The following CASP6 variants were observed in gnomAD, a reference collection of about 807,000 sequenced individuals.
CASP6 encodes the protein caspase 6.
A neutral mutation model predicts 31.8 loss-of-function variants in CASP6; 20 were observed. The observed-to-expected ratio is 0.63, with a 90% CI of 0.44 to 0.91. The LOEUF (loss-of-function observed/expected upper bound fraction) is 0.91, where lower values mean the gene tolerates loss of function less well. Ranked by LOEUF, CASP6 falls within the 40% of genes least tolerant of loss-of-function variation. CASP6 has a pLI of 0.00. For missense variants in CASP6, 328 were observed against 361.1 expected (o/e 0.91, Z 0.74); for synonymous variants, 130 against 127.8 (o/e 1.02, Z -0.12).
downstream of CASP6, chr4:109,688,354 G>A (rs987930172): frequency 1.6e-4 from 25 of 152,222 alleles, no homozygotes; most frequent in African/African-American, 6.0e-4. Flanking sequence ...CTGTTGGACT[G>A]TTTGTAGGAA....
chr4:109,707,146 T>G (rs1251747466), upstream of CASP6, among the ~76,000 whole-genome samples: 3 of 152,192 alleles, frequency 2.0e-5, no homozygotes, highest in Admixed American at 2.0e-4. Context: ...AGACTACACT[T>G]TAGTATGAAA....
upstream of CASP6, among the ~76,000 whole-genome samples, chr4:109,708,406 G>C (rs1730661833): frequency 6.6e-6 from 1 of 152,192 alleles, no homozygotes; most frequent in Non-Finnish European, 1.5e-5. Context: ...CCATCTTGTT[G>C]TACTCGTTGG....
downstream of CASP6, chr4:109,685,428 A>G (rs1217729180): frequency 4.2e-6 from 3 of 712,806 alleles, no homozygotes; most frequent in African/African-American, 3.5e-5. Flanking sequence ...GTATCAGGGA[A>G]GTATAACTGG....
the CASP6 span, chr4:109,682,439 C>T: frequency 3.1e-6 from 2 of 640,348 alleles, no homozygotes; most frequent in Non-Finnish European, 5.4e-6. Context: ...TATATTACAC[C>T]TTTGTTTACA....
At chr4:109,690,728 T>G in intron 6 of CASP6, 122 bp downstream of exon 6, 30 of 969,506 alleles carry the variant, frequency 3.1e-5, no homozygotes, top group Non-Finnish European at 4.2e-5. Flanking sequence ...TCTAAGTCTG[T>G]GAGCTTCAGG....
At chr4:109,684,259 T>A (rs987939436), downstream of CASP6, among the ~76,000 whole-genome samples, 1 of 152,110 alleles carries the variant, frequency 6.6e-6, no homozygotes, top group South Asian at 2.1e-4. Flanking sequence ...AGACGGGGTT[T>A]CACCATGTTA....
intron 5 of CASP6, among the ~76,000 whole-genome samples, chr4:109,694,158 T>TAAAA (rs1730165319): frequency 6.6e-6 from 1 of 152,202 alleles, no homozygotes; most frequent in Non-Finnish European, 1.5e-5. Flanking sequence ...TCCACTGGTT[T>TAAAA]ATATGCTCTC....
At chr4:109,706,032 A>ATAAT (rs1419095475), upstream of CASP6, among the ~76,000 whole-genome samples, 1 of 93,830 alleles carries the variant, frequency 1.1e-5, no homozygotes, top group Non-Finnish European at 2.1e-5. Context: ...ATATATATAT[A>ATAAT]ATATATATAA....
At position 109,694,415 on chromosome 4, in the gene CASP6, G is replaced by A. The variant is rs572392846; in HGVS notation, c.483+110C>T. 235 of 944,378 alleles carry A rather than the reference G, an allele frequency of 2.5e-4. 1 individual carries two copies. Among genetic ancestry groups the A allele is most frequent in the Non-Finnish European group, 3.3e-4 (217 of 650,220 alleles). The allele number at this position is 944,378 out of a possible 1,614,324, so 58.5% of individuals were successfully genotyped here. A position where few individuals can be genotyped will look rare whatever the true frequency, so the allele number is the denominator to read the frequency against. On this transcript the variant is annotated intron_variant, in intron 5 of 6. Coordinates refer to ENST00000265164, the MANE Select transcript of CASP6 (RefSeq NM_001226.4). The stretch of plus-strand genomic sequence containing the variant: ...CTATGATTGGCCAGAATTCAAAAAC[G>A]GCCTGTCCAATTACTGGAGAAAGTT...
At chr4:109,693,617 G>A (rs1730143219) in intron 5 of CASP6, among the ~76,000 whole-genome samples, 2 of 151,240 alleles carry the variant, frequency 1.3e-5, no homozygotes, top group South Asian at 4.2e-4. Flanking sequence ...ACCTGGGGGC[G>A]GAGGTTGCAG....
At chr4:109,691,319 C>T (rs915501933) in intron 5 of CASP6, among the ~76,000 whole-genome samples, 4 of 152,190 alleles carry the variant, frequency 2.6e-5, no homozygotes, top group Non-Finnish European at 5.9e-5. Flanking sequence ...AGATTAACCA[C>T]ACCCAGGGCA....
chr4:109,675,055 G>A, the CASP6 span, among the ~76,000 whole-genome samples: 13 of 152,136 alleles, frequency 8.5e-5, no homozygotes, highest in Non-Finnish European at 1.3e-4. Flanking sequence ...TGATAACATG[G>A]TATATGTATT....
downstream of CASP6, chr4:109,687,612 G>C (rs761571574): frequency 6.5e-7 from 1 of 1,531,594 alleles, no homozygotes; most frequent in Admixed American, 1.7e-5. Context: ...TTTAAATGTC[G>C]TCAGATTTTC....
In CASP6 at chr4:109,695,053, C is replaced by A. The variant is rs139794521; in HGVS notation, c.308-353G>T. Among the ~76,000 whole-genome samples the A allele has an allele frequency of 9.9e-4, 150 of 152,260 alleles. 4 individuals carry two copies. The East Asian group carries it at 0.025, about 25-fold the overall frequency. ...GCCATGTAGCCAGGCTAGTCTCGAA[C>A]TCCTGACCTCAGGTGATCCACCTCG... On this transcript the variant is annotated intron_variant, in intron 4 of 6. Coordinates refer to ENST00000265164, the MANE Select transcript of CASP6 (RefSeq NM_001226.4).
At chr4:109,676,857 G>A in the CASP6 span, among the ~76,000 whole-genome samples, 1 of 152,206 alleles carries the variant, frequency 6.6e-6, no homozygotes, top group African/African-American at 2.4e-5. Context: ...TAAAATGAGA[G>A]GAGAATAGAT....
At chr4:109,698,239 C>G in intron 2 of CASP6, 61 bp downstream of exon 2, 1 of 1,541,378 alleles carries the variant, frequency 6.5e-7, no homozygotes, top group Non-Finnish European at 8.8e-7. Flanking sequence ...GCTTTGATTT[C>G]TGTAGGCTGA....
At chr4:109,676,908 A>G in the CASP6 span, among the ~76,000 whole-genome samples, 1 of 152,232 alleles carries the variant, frequency 6.6e-6, no homozygotes, top group South Asian at 2.1e-4. Flanking sequence ...GCAGAATGTA[A>G]AATATTTGGA....
chr4:109,681,588 T>G, the CASP6 span: 1 of 324,016 alleles, frequency 3.1e-6, no homozygotes, highest in Non-Finnish European at 6.2e-6. Flanking sequence ...TACAGCTCTA[T>G]TAGAAGTCGT....
At chr4:109,690,247 A>AACGC (rs1224908159) in intron 6 of CASP6, among the ~76,000 whole-genome samples, 1 of 143,398 alleles carries the variant, frequency 7.0e-6, no homozygotes. Context: ...AAAAAAAAAA[A>AACGC]ACGCACGCAC....
Sources: gnomAD v4.1 joint callset for allele counts (sites outside exome capture counted in the v4.1 genomes callset) on GRCh38, gnomAD v4.1.1 for gene constraint, MANE v1.5 for transcripts, NCBI Gene and HGNC (gene_info 2026-07-23, HGNC 2026-07-21) for gene names.